The following SOX5 variants were observed in gnomAD, a reference collection of about 807,000 sequenced individuals.
The protein encoded by SOX5 is SRY-box transcription factor 5.
SOX5 carries 9 observed loss-of-function variants against 92.0 expected under a neutral mutation model. The ratio of observed to expected loss-of-function variants is 0.10; its 90% CI spans 0.06 to 0.17. The LOEUF (loss-of-function observed/expected upper bound fraction) is 0.17, where lower values mean the gene tolerates loss of function less well. Ranked by LOEUF, SOX5 falls within the 10% of genes least tolerant of loss-of-function variation. The pLI, the probability that SOX5 is intolerant of heterozygous loss-of-function variation, is 1.00. For missense variants in SOX5, 642 were observed against 944.5 expected (o/e 0.68, Z 4.20); for synonymous variants, 344 against 336.3 (o/e 1.02, Z -0.25).
intron 4 of SOX5, among the ~76,000 whole-genome samples, chr12:24,077,188 A>G (rs1183950003): frequency 2.0e-5 from 3 of 152,188 alleles, no homozygotes; most frequent in African/African-American, 7.2e-5. Context: ...GGCAAGCTAC[A>G]CAGACCAATT....
At chr12:24,098,362 G>A (rs1945680299) in intron 4 of SOX5, among the ~76,000 whole-genome samples, 1 of 152,038 alleles carries the variant, frequency 6.6e-6, no homozygotes, top group Non-Finnish European at 1.5e-5. Context: ...TTTTGCAGAG[G>A]CAATAGTGCT....
At chr12:23,807,265 C>T (rs570747189) in intron 3 of SOX5, among the ~76,000 whole-genome samples, 7 of 152,182 alleles carry the variant, frequency 4.6e-5, no homozygotes, top group African/African-American at 1.4e-4. Flanking sequence ...GAAGGATATG[C>T]GAAAATTCTA....
intron 4 of SOX5, among the ~76,000 whole-genome samples, chr12:23,979,076 TCTC>T (rs1309707555): frequency 2.6e-5 from 4 of 152,172 alleles, no homozygotes; most frequent in African/African-American, 9.7e-5. Flanking sequence ...TTTCTTCACC[TCTC>T]CTCCTCACTT....
rs558680444 is a variant in SOX5, at chr12:23,892,865, T to G, written c.270+2928A>C. 1.3e-5 allele frequency among the ~76,000 whole-genome samples: 2 copies of G among 152,302 alleles called. 1 individual carries two copies. Among genetic ancestry groups the G allele is most frequent in the African/African-American group, 4.8e-5 (2 of 41,574 alleles). On this transcript the variant is annotated intron_variant, in intron 2 of 14. Coordinates refer to ENST00000451604, the MANE Select transcript of SOX5 (RefSeq NM_006940.6). ...AGTGCTACTCTGATATGCTGACATA[T>G]AGAAAAATTCTCAATTCGTTTTTAG...
chr12:23,986,158 C>A (rs745780291), intron 4 of SOX5, among the ~76,000 whole-genome samples: 2 of 152,090 alleles, frequency 1.3e-5, no homozygotes, highest in Admixed American at 6.6e-5. Context: ...ATGTGTATAT[C>A]TTTTCAGAGG....
intron 4 of SOX5, among the ~76,000 whole-genome samples, chr12:23,982,361 G>T (rs980120787): frequency 1.3e-5 from 2 of 152,146 alleles, no homozygotes; most frequent in African/African-American, 4.8e-5. Context: ...TCCTTCATGG[G>T]AATATATGGT....
intron 4 of SOX5, among the ~76,000 whole-genome samples, chr12:24,036,884 T>C (rs1956092816): frequency 6.6e-6 from 1 of 152,206 alleles, no homozygotes; most frequent in Non-Finnish European, 1.5e-5. Context: ...AGAATCCTTT[T>C]ATTGTATGTA....
At chr12:23,662,718 A>G (rs1045663441) in intron 7 of SOX5, among the ~76,000 whole-genome samples, 16 of 152,290 alleles carry the variant, frequency 1.1e-4, no homozygotes, top group Non-Finnish European at 2.1e-4. Flanking sequence ...TGTTGAGTAC[A>G]TTTAAAGTCT....
chr12:23,558,648 G>C (rs1169488726), intron 11 of SOX5, among the ~76,000 whole-genome samples: 1 of 152,192 alleles, frequency 6.6e-6, no homozygotes, highest in Non-Finnish European at 1.5e-5. Context: ...TGTCGCCCAG[G>C]CTGGAGTGCA....
chr12:23,697,888 G>A (rs1278060305), intron 6 of SOX5, among the ~76,000 whole-genome samples: 1 of 152,078 alleles, frequency 6.6e-6, no homozygotes, highest in Non-Finnish European at 1.5e-5. Context: ...ACACAATCAG[G>A]AATCAATCTA....
chr12:24,267,839 A>C (rs1943214910), intron 3 of SOX5, among the ~76,000 whole-genome samples: 1 of 152,192 alleles, frequency 6.6e-6, no homozygotes, highest in Non-Finnish European at 1.5e-5. Context: ...TTATATTCTT[A>C]AGGAGCAGAT....
intron 4 of SOX5, among the ~76,000 whole-genome samples, chr12:24,030,160 A>C (rs1955328444): frequency 6.6e-6 from 1 of 151,978 alleles, no homozygotes; most frequent in Admixed American, 6.6e-5. Flanking sequence ...ATATTATGCC[A>C]ACTTTGTAAA....
At chr12:24,505,674 T>G (rs917812924) in intron 1 of SOX5, among the ~76,000 whole-genome samples, 7 of 152,196 alleles carry the variant, frequency 4.6e-5, no homozygotes, top group Non-Finnish European at 1.0e-4. Flanking sequence ...AAAAAGCAAT[T>G]TTTTTAATTT....
intron 3 of SOX5, among the ~76,000 whole-genome samples, chr12:23,842,207 T>C (rs2096526919): frequency 6.6e-6 from 1 of 152,136 alleles, no homozygotes; most frequent in South Asian, 2.1e-4. Context: ...AGCAGTTAAT[T>C]ATTCTGATAC....
chr12:24,162,331 A>G (rs1952850528), intron 4 of SOX5, among the ~76,000 whole-genome samples: 1 of 152,128 alleles, frequency 6.6e-6, no homozygotes, highest in South Asian at 2.1e-4. Flanking sequence ...TTATTTAAGT[A>G]CACTTATCTA....
chr12:24,510,505 G>A (rs187763966), intron 1 of SOX5, among the ~76,000 whole-genome samples: 1 of 152,274 alleles, frequency 6.6e-6, no homozygotes, highest in East Asian at 1.9e-4. Flanking sequence ...TCATTATACA[G>A]GCAAGAAGAG....
intron 1 of SOX5, chr12:23,944,266 C>T (rs1449736720): frequency 6.6e-6 from 1 of 152,128 alleles, no homozygotes; most frequent in African/African-American, 2.4e-5. Context: ...CTGGGAACAA[C>T]TTTGAGTCTC....
intron 1 of SOX5, among the ~76,000 whole-genome samples, chr12:24,534,756 C>G (rs1951491568): frequency 6.6e-6 from 1 of 152,186 alleles, no homozygotes; most frequent in Non-Finnish European, 1.5e-5. Context: ...TCCAAAGCCT[C>G]TCCTAGGAGT....
At chr12:24,329,492 A>G (rs1951061207) in intron 2 of SOX5, among the ~76,000 whole-genome samples, 1 of 152,150 alleles carries the variant, frequency 6.6e-6, no homozygotes, top group Non-Finnish European at 1.5e-5. Flanking sequence ...CTCTCCTTCA[A>G]CATCTGGAGA....
Sources: allele counts gnomAD v4.1 joint callset (sites outside exome capture counted in the v4.1 genomes callset), GRCh38; gene constraint gnomAD v4.1.1; transcripts MANE v1.5; gene names NCBI Gene and HGNC (gene_info 2026-07-23, HGNC 2026-07-21).